TENM2: variants seen among roughly 807,000 people sequenced by gnomAD.
TENM2 encodes teneurin transmembrane protein 2.
A neutral mutation model predicts 245.2 loss-of-function variants in TENM2; 52 were observed. The ratio of observed to expected loss-of-function variants is 0.21; its 90% CI spans 0.17 to 0.27. The LOEUF is 0.27. TENM2 is among the 10% of genes least tolerant of loss of function. The pLI is 1.00. For missense variants in TENM2, 3,046 were observed against 3,666.8 expected (o/e 0.83, Z 4.37); for synonymous variants, 1,363 against 1,438.9 (o/e 0.95, Z 1.19).
intron 3 of TENM2, among the ~76,000 whole-genome samples, chr5:167,890,267 G>A (rs781293887): frequency 3.9e-5 from 6 of 152,058 alleles, no homozygotes; most frequent in Non-Finnish European, 7.4e-5. Flanking sequence ...GTGCTGAGTC[G>A]CCGAATCTGT....
intron 1 of TENM2, among the ~76,000 whole-genome samples, chr5:167,344,420 T>G: frequency 6.6e-6 from 1 of 151,536 alleles, no homozygotes; most frequent in East Asian, 1.9e-4. Flanking sequence ...ATTTTTACCT[T>G]AAATTCAGTG....
intron 27 of TENM2, among the ~76,000 whole-genome samples, chr5:168,252,215 CA>C (rs1767177101): frequency 6.6e-6 from 1 of 151,198 alleles, no homozygotes; most frequent in Non-Finnish European, 1.5e-5. Flanking sequence ...CCATCTCTAC[CA>C]AAAATTTAAA....
At chr5:167,531,749 T>C (rs566556785) in intron 2 of TENM2, among the ~76,000 whole-genome samples, 11 of 152,292 alleles carry the variant, frequency 7.2e-5, no homozygotes, top group Admixed American at 6.5e-4. Context: ...CTGGCTTATT[T>C]CACTTATTAA....
intron 5 of TENM2, among the ~76,000 whole-genome samples, chr5:168,012,221 T>A (rs1447639604): frequency 6.6e-6 from 1 of 152,208 alleles, no homozygotes; most frequent in Non-Finnish European, 1.5e-5. Flanking sequence ...CCATCAGCCT[T>A]GTCCTGAGAG....
intron 3 of TENM2, among the ~76,000 whole-genome samples, chr5:167,950,845 T>TA (rs771278446): frequency 6.6e-6 from 1 of 152,200 alleles, no homozygotes; most frequent in Non-Finnish European, 1.5e-5. Flanking sequence ...AAGATATATT[T>TA]AAAATGTCAC....
At chr5:167,316,824 T>G (rs1219934680) in intron 1 of TENM2, among the ~76,000 whole-genome samples, 1 of 152,180 alleles carries the variant, frequency 6.6e-6, no homozygotes, top group Non-Finnish European at 1.5e-5. Flanking sequence ...AATTGATAAT[T>G]ACAGTTAGAA....
At chr5:168,185,857 T>G (rs1239173185) in intron 13 of TENM2, among the ~76,000 whole-genome samples, 3 of 147,482 alleles carry the variant, frequency 2.0e-5, no homozygotes, top group African/African-American at 7.4e-5. Context: ...GTGGAAGACT[T>G]CAGGGAGTTT....
At chr5:168,154,477 A>G (rs1756975478) in intron 12 of TENM2, among the ~76,000 whole-genome samples, 1 of 152,086 alleles carries the variant, frequency 6.6e-6, no homozygotes, top group African/African-American at 2.4e-5. Context: ...CACCCGCCTC[A>G]ACCTCCCAAA....
intron 2 of TENM2, among the ~76,000 whole-genome samples, chr5:167,872,310 GAA>G (rs1296246156): frequency 6.3e-5 from 2 of 31,972 alleles, no homozygotes; most frequent in African/African-American, 1.7e-4. Context: ...AAGAAAGAAA[GAA>G]AGAAAGAAAG....
At chr5:167,604,388 AT>A (rs1403817715) in intron 2 of TENM2, among the ~76,000 whole-genome samples, 6 of 152,220 alleles carry the variant, frequency 3.9e-5, no homozygotes, top group Admixed American at 2.0e-4. Flanking sequence ...GCAGTGGGGC[AT>A]TTTTTTCAAT....
At chr5:167,433,098 T>C (rs1335867742) in intron 2 of TENM2, among the ~76,000 whole-genome samples, 2 of 149,756 alleles carry the variant, frequency 1.3e-5, no homozygotes, top group Admixed American at 1.3e-4. Flanking sequence ...ATTAATTGGA[T>C]TTTGGTAATA....
At chr5:168,209,067 A>G (rs1405075166) in intron 19 of TENM2, among the ~76,000 whole-genome samples, 2 of 152,178 alleles carry the variant, frequency 1.3e-5, no homozygotes, top group Non-Finnish European at 2.9e-5. Flanking sequence ...TTGTAATTTC[A>G]TTATCTATAG....
intron 2 of TENM2, among the ~76,000 whole-genome samples, chr5:167,427,247 G>A (rs960809832): frequency 1.3e-5 from 2 of 152,102 alleles, no homozygotes; most frequent in African/African-American, 2.4e-5. Flanking sequence ...GAGGTTGGGG[G>A]TTCGAGATAA....
chr5:167,061,209 G>T, the TENM2 span, among the ~76,000 whole-genome samples: 2 of 151,934 alleles, frequency 1.3e-5, no homozygotes, highest in Non-Finnish European at 2.9e-5. Context: ...TTTATCTTCT[G>T]CTTCTTCTTG....
At chr5:168,137,106 C>G (rs1483923473) in intron 12 of TENM2, among the ~76,000 whole-genome samples, 1 of 152,144 alleles carries the variant, frequency 6.6e-6, no homozygotes, top group African/African-American at 2.4e-5. Context: ...CCTGCCAGTT[C>G]CCAGAGAAAG....
At chr5:167,138,371 A>G in the TENM2 span, among the ~76,000 whole-genome samples, 1 of 152,246 alleles carries the variant, frequency 6.6e-6, no homozygotes, top group South Asian at 2.1e-4. Flanking sequence ...CCAGAGCTAG[A>G]GTAATGGACA....
intron 8 of TENM2, 119 bp from the exon 11 acceptor site, chr5:168,097,907 C>G (rs751505215): frequency 1.4e-6 from 1 of 699,788 alleles, no homozygotes; most frequent in Admixed American, 2.2e-5. Flanking sequence ...GACCGATCCC[C>G]TATGACAGGC....
chr5:168,238,259 G>GAAAAGAAAAGAAAAGAAAAGAA, intron 25 of TENM2, among the ~76,000 whole-genome samples: 1 of 141,910 alleles, frequency 7.0e-6, no homozygotes, highest in East Asian at 2.0e-4. Flanking sequence ...GAAAAGAAAA[G>GAAAAGAAAAGAAAAGAAAAGAA]AAAAGAAAAG....
rs564194314 is a variant in TENM2, at chr5:168,218,233, A to G, written c.4342A>G (p.Ile1448Val). The stretch of plus-strand genomic sequence containing the variant: ...AATCACCGAGAACCACCAAGTCAGC[A>G]TCATTGCGGGACGCCCCATGCACTG... Residue 1448 changes from isoleucine (I) to valine (V), a missense_variant, in exon 23 of 29, where the codon ATC becomes GTC. By Grantham distance (29) the Ile-to-Val change is conservative. Coordinates refer to ENST00000518659, the Ensembl canonical transcript of TENM2. The surrounding 1 kb of genome is among the most constrained non-coding windows in gnomAD (Gnocchi z 5.2). 2.0e-4 allele frequency: 320 copies of G among 1,613,846 alleles called. 4 individuals carry two copies. In the Admixed American group the frequency reaches 2.8e-3, roughly 14 times the overall value.
Sources: gnomAD v4.1 joint callset for allele counts (sites outside exome capture counted in the v4.1 genomes callset) on GRCh38, gnomAD v4.1.1 for gene constraint, Gnocchi (gnomAD v3.1) non-coding constraint, MANE v1.5 for transcripts, NCBI Gene and HGNC (gene_info 2026-07-23, HGNC 2026-07-21) for gene names.